ABCB7: variants seen among roughly 807,000 people sequenced by gnomAD.
The protein encoded by ABCB7 is iron-sulfur clusters transporter ABCB7, mitochondrial.
Under a neutral mutation model 54.4 loss-of-function variants are expected in ABCB7, and 7 were observed. That is an observed-to-expected ratio of 0.13 (90% CI 0.07 to 0.24). ABCB7 has a LOEUF of 0.24. Among genes scored for constraint, ABCB7 ranks in the 10% least tolerant of loss-of-function variants. The probability of loss-of-function intolerance (pLI) is 1.00; values close to 1 mark genes in which losing one functional copy is unlikely to be tolerated. For missense variants in ABCB7, 356 were observed against 570.4 expected (o/e 0.62, Z 3.83); for synonymous variants, 218 against 207.1 (o/e 1.05, Z -0.45).
chrX:75,062,733 T>C, intron 13 of ABCB7: 2 of 235,869 alleles, frequency 8.5e-6, no homozygotes, highest in South Asian at 1.9e-4. Context: ...GCATGCTCAT[T>C]ATATGTTACT....
chrX:75,144,380 T>A (rs1200319956), intron 1 of ABCB7, among the ~76,000 whole-genome samples: 1 of 111,884 alleles, frequency 8.9e-6, no homozygotes, highest in East Asian at 2.8e-4. Context: ...TTACTAAATC[T>A]TTAATTTAAT....
chrX:75,067,825 T>C lies in ABCB7; in HGVS notation c.1659+1182A>G, dbSNP rs144555445. Among the ~76,000 whole-genome samples the C allele has an allele frequency of 8.5e-3, 943 of 111,016 alleles. 19 individuals carry two copies. The highest frequency in any genetic ancestry group is 0.03 in the African/African-American group (911 of 30,463). ...TAACATACAATCTATGAACCATCTA[T>C]ATCAGAATAACCTAGGAGGCATTTT... On this transcript the variant is annotated intron_variant, in intron 12 of 15. Coordinates refer to ENST00000373394, the MANE Select transcript of ABCB7 (RefSeq NM_001271696.3).
intron 3 of ABCB7, among the ~76,000 whole-genome samples, chrX:75,104,776 G>A (rs1336256299): frequency 1.8e-5 from 2 of 111,436 alleles, no homozygotes; most frequent in Non-Finnish European, 3.8e-5. Context: ...CAATATCCCT[G>A]ATGAACACAG....
intron 4 of ABCB7, among the ~76,000 whole-genome samples, chrX:75,080,739 G>A (rs1489182936): frequency 8.9e-6 from 1 of 111,908 alleles, no homozygotes; most frequent in Non-Finnish European, 1.9e-5. Flanking sequence ...CACTGATGTT[G>A]AGCACTTTTT....
In ABCB7 at chrX:75,154,415, C is replaced by T. The variant is rs4148833; in HGVS notation, c.168+1690G>A. Among the ~76,000 whole-genome samples the T allele has an allele frequency of 1.1e-3, 124 of 112,165 alleles. No individual in the cohort carries two copies. The East Asian group carries it at 0.02, about 18-fold the overall frequency. On this transcript the variant is annotated intron_variant, in intron 1 of 15. Coordinates refer to ENST00000373394, the MANE Select transcript of ABCB7 (RefSeq NM_001271696.3). ...ACATTTACAAATTTTATCTTAACTT[C>T]ATCTGCCTTATTGGAGAACTACAGA...
At chrX:75,061,566 G>C (rs1490460668) in intron 14 of ABCB7, among the ~76,000 whole-genome samples, 1 of 111,464 alleles carries the variant, frequency 9.0e-6, no homozygotes, top group Non-Finnish European at 1.9e-5. Context: ...AAAATATTAT[G>C]TCACACAGCC....
At chrX:75,096,703 T>A (rs1426230512) in intron 4 of ABCB7, among the ~76,000 whole-genome samples, 1 of 111,092 alleles carries the variant, frequency 9.0e-6, no homozygotes, top group East Asian at 2.8e-4. Context: ...AAAACCAAGA[T>A]CTTCATTTTC....
chrX:75,154,872 C>T (rs887107983), intron 1 of ABCB7, among the ~76,000 whole-genome samples: 16 of 87,367 alleles, frequency 1.8e-4, no homozygotes, highest in African/African-American at 6.3e-4. Flanking sequence ...ATTTTGTTTG[C>T]TCCTGTAGAG....
chrX:75,150,225 G>A (rs1483643806), intron 1 of ABCB7, among the ~76,000 whole-genome samples: 1 of 111,298 alleles, frequency 9.0e-6, no homozygotes, highest in East Asian at 2.8e-4. Flanking sequence ...ACAAAGAAAT[G>A]TTCATCTACC....
At chrX:75,100,153 C>G (rs958007395) in intron 3 of ABCB7, among the ~76,000 whole-genome samples, 3 of 110,776 alleles carry the variant, frequency 2.7e-5, no homozygotes, top group African/African-American at 9.8e-5. Context: ...GAATCTATTT[C>G]TTTCCATTTC....
chrX:75,090,808 T>G (rs1291072639), intron 4 of ABCB7, among the ~76,000 whole-genome samples: 1 of 111,354 alleles, frequency 9.0e-6, no homozygotes, highest in East Asian at 2.8e-4. Flanking sequence ...GTACTGTTTC[T>G]ATGAAAATTA....
At chrX:75,123,006 C>T (rs2081894153) in intron 1 of ABCB7, among the ~76,000 whole-genome samples, 1 of 110,552 alleles carries the variant, frequency 9.0e-6, no homozygotes. Flanking sequence ...ATGACTGTTT[C>T]CTTTGCTGTA....
chrX:75,104,047 G>GTTTTTTTTGTTTTTTTTTTTTTTTT (rs2081664100), intron 3 of ABCB7, among the ~76,000 whole-genome samples: 3 of 13,443 alleles, frequency 2.2e-4, no homozygotes, highest in Non-Finnish European at 5.2e-4. Flanking sequence ...TCTTGTTACA[G>GTTTTTTTTGTTTTTTTTTTTTTTTT]TTTTTTTTTT....
intron 3 of ABCB7, among the ~76,000 whole-genome samples, chrX:75,107,157 G>A (rs748031597): frequency 1.2e-4 from 13 of 111,422 alleles, no homozygotes; most frequent in African/African-American, 3.9e-4. Flanking sequence ...GCTGATGCCC[G>A]TCGGCAGAGG....
At chrX:75,119,038 T>C (rs991185319) in intron 1 of ABCB7, among the ~76,000 whole-genome samples, 2 of 112,429 alleles carry the variant, frequency 1.8e-5, no homozygotes, top group African/African-American at 6.5e-5. Flanking sequence ...ATATTTGTTG[T>C]GTGTATGATG....
intron 1 of ABCB7, among the ~76,000 whole-genome samples, chrX:75,151,745 G>A (rs915089780): frequency 8.9e-6 from 1 of 111,805 alleles, no homozygotes; most frequent in Non-Finnish European, 1.9e-5. Context: ...ATGTCCAAAA[G>A]AACAAGTTAT....
At chrX:75,089,936 G>T (rs745748810) in intron 4 of ABCB7, among the ~76,000 whole-genome samples, 1 of 110,684 alleles carries the variant, frequency 9.0e-6, no homozygotes, top group South Asian at 3.8e-4. Flanking sequence ...CTAAGCTGGA[G>T]TAGAAACCAT....
intron 8 of ABCB7, 43 bp from the exon 9 acceptor site, chrX:75,071,726 A>C: frequency 1.1e-6 from 1 of 929,998 alleles, no homozygotes; most frequent in African/African-American, 2.0e-5. Flanking sequence ...TATAATTAGA[A>C]TTTATTCTCT....
chrX:75,063,444 A>G (rs954486702), intron 13 of ABCB7, among the ~76,000 whole-genome samples: 12 of 111,176 alleles, frequency 1.1e-4, no homozygotes, highest in Non-Finnish European at 2.3e-4. Context: ...TTTTATTTTT[A>G]CTTATTCTAC....
Sources: allele counts gnomAD v4.1 joint callset (sites outside exome capture counted in the v4.1 genomes callset), GRCh38; gene constraint gnomAD v4.1.1; transcripts MANE v1.5; gene names NCBI Gene and HGNC (gene_info 2026-07-23, HGNC 2026-07-21).